TLE4: variants seen among roughly 807,000 people sequenced by gnomAD.
The protein encoded by TLE4 is TLE family member 4, transcriptional corepressor.
In TLE4, 8 loss-of-function variants were observed where a neutral mutation model predicts 92.8. That is an observed-to-expected ratio of 0.09 (90% confidence interval 0.05 to 0.16). The LOEUF is 0.16. TLE4 is among the 10% of genes least tolerant of loss of function. The pLI, the probability that TLE4 is intolerant of heterozygous loss-of-function variation, is 1.00. For synonymous variants in TLE4, 371 were observed against 374.1 expected, an observed-to-expected ratio of 0.99 and a Z score of 0.10; for missense variants, 675 against 997.6, an observed-to-expected ratio of 0.68 and a Z score of 4.36.
At chr9:79,626,005 A>G (rs1007643588) in intron 5 of TLE4, among the ~76,000 whole-genome samples, 3 of 152,064 alleles carry the variant, frequency 2.0e-5, no homozygotes, top group South Asian at 2.1e-4. Context: ...ATCAGAGTCT[A>G]TTAAAAGCTT....
chr9:79,705,093 GA>G (rs759850512), intron 9 of TLE4, among the ~76,000 whole-genome samples, 191 bp downstream of exon 9: 1 of 152,218 alleles, frequency 6.6e-6, no homozygotes, highest in Non-Finnish European at 1.5e-5. Flanking sequence ...AGATGCATGT[GA>G]GGATAGAATG....
rs1227806954 is a variant in TLE4 at position 79,721,981 on chromosome 9, A to C, written c.1986+93A>C. 6 of 1,505,182 alleles carry C rather than the reference A, an allele frequency of 4.0e-6. No homozygotes were observed. The South Asian group carries it at 7.9e-5, about 20-fold the overall frequency. 93.2% of individuals were successfully genotyped at this position (1,505,182 alleles called of 1,614,324 possible). ...GGGAATCGAGACCATCCTGGCCAAC[A>C]TGGTGAAACCCCATCTCTACTAAAA... On this transcript the variant is annotated intron_variant, in intron 17 of 19. Coordinates refer to ENST00000376552, the MANE Select transcript of TLE4 (RefSeq NM_007005.6).
At chr9:79,704,651 C>G in intron 8 of TLE4, 132 bp from the exon 9 acceptor site, 1 of 1,224,140 alleles carries the variant, frequency 8.2e-7, no homozygotes, top group Non-Finnish European at 1.1e-6. Flanking sequence ...CCGCTTTCTC[C>G]TATCTCCTCT....
chr9:79,614,518 A>G (rs2049053778), intron 5 of TLE4, among the ~76,000 whole-genome samples: 1 of 152,176 alleles, frequency 6.6e-6, no homozygotes, highest in Admixed American at 6.5e-5. Flanking sequence ...TAATTGTCTA[A>G]GGAAGTTGTA....
Position 79,681,761 on chromosome 9 carries a change from AAGAG to A in TLE4, c.610-23019_610-23016del, listed in dbSNP as rs889270504. Among the ~76,000 whole-genome samples, 7 of 149,302 alleles carry A rather than the reference AAGAG, an allele frequency of 4.7e-5. No individual in the cohort carries two copies. The East Asian group carries it at 1.0e-3, about 22-fold the overall frequency. Reference sequence around the variant, plus strand: ...AGGCAGGGAGGGAAGGAGGGAGAGAAAGAGAGGGAGGGAGGAGGGAGGAAGAGAG... The same window carrying A: ...AGGCAGGGAGGGAAGGAGGGAGAGAAAGGGAGGGAGGAGGGAGGAAGAGAG... On this transcript the variant is annotated intron_variant, in intron 8 of 19. Transcript: ENST00000376552.
At chr9:79,633,616 G>A (rs1044154815) in intron 6 of TLE4, among the ~76,000 whole-genome samples, 28 of 152,108 alleles carry the variant, frequency 1.8e-4, no homozygotes, top group African/African-American at 6.5e-4. Flanking sequence ...TGGTTATATA[G>A]AAAAACAGGC....
chr9:79,573,339 G>A (rs748084573), intron 1 of TLE4: 40 of 1,088,650 alleles, frequency 3.7e-5, no homozygotes, highest in Non-Finnish European at 4.4e-5. Context: ...GCCATGGCGC[G>A]GGTCCCCCCG....
intron 8 of TLE4, among the ~76,000 whole-genome samples, chr9:79,681,860 GTGTA>G (rs767120728): frequency 2.7e-4 from 37 of 136,994 alleles, no homozygotes; most frequent in African/African-American, 6.4e-4. Context: ...GTGTGTGTGT[GTGTA>G]TGTGTGTGTG....
At chr9:79,677,313 C>A (rs11138319) in intron 8 of TLE4, among the ~76,000 whole-genome samples, 1 of 151,940 alleles carries the variant, frequency 6.6e-6, no homozygotes, top group Non-Finnish European at 1.5e-5. Flanking sequence ...TAATTTAGTT[C>A]GTGGCCTCTG....
chr9:79,724,207 A>AT (rs1281313328), intron 19 of TLE4, among the ~76,000 whole-genome samples: 1 of 149,282 alleles, frequency 6.7e-6, no homozygotes, highest in Admixed American at 6.7e-5. Flanking sequence ...GCCATTTCTC[A>AT]TATCTGATCT....
chr9:79,687,168 G>A (rs1482452087), intron 8 of TLE4, among the ~76,000 whole-genome samples: 2 of 152,140 alleles, frequency 1.3e-5, no homozygotes, highest in South Asian at 2.1e-4. Context: ...CTTCTCCCCC[G>A]AATCGTAATT....
At chr9:79,660,628 TAAG>T (rs1404419338) in intron 8 of TLE4, among the ~76,000 whole-genome samples, 3 of 152,240 alleles carry the variant, frequency 2.0e-5, no homozygotes, top group African/African-American at 7.2e-5. Flanking sequence ...AAGGAACAGT[TAAG>T]AAGTTTTGTT....
chr9:79,592,827 C>G (rs1285312412), intron 4 of TLE4, among the ~76,000 whole-genome samples: 2 of 152,048 alleles, frequency 1.3e-5, no homozygotes, highest in African/African-American at 2.4e-5. Flanking sequence ...GATTGTGTAT[C>G]CTTTTTAAGT....
chr9:79,662,139 C>A lies in TLE4; in HGVS notation c.609+8064C>A, dbSNP rs536281429. 3.3e-5 allele frequency among the ~76,000 whole-genome samples: 5 copies of A among 152,310 alleles called. No homozygotes were observed. In the South Asian group the frequency reaches 1.0e-3, roughly 32 times the overall value. ...GGCAGTGAGGTGGAAGTTAAAATGT[C>A]TTAAGTATTCTTGTTGTAAGTGAAC... On this transcript the variant is annotated intron_variant, in intron 8 of 19. Transcript: ENST00000376552.
At chr9:79,681,559 C>T (rs768793633) in intron 8 of TLE4, among the ~76,000 whole-genome samples, 5 of 152,068 alleles carry the variant, frequency 3.3e-5, no homozygotes, top group Admixed American at 1.3e-4. Context: ...ACATTTCTCT[C>T]AGGAATTGAA....
intron 8 of TLE4, among the ~76,000 whole-genome samples, chr9:79,667,367 A>G (rs1197437422): frequency 6.6e-6 from 1 of 152,224 alleles, no homozygotes; most frequent in Non-Finnish European, 1.5e-5. Flanking sequence ...TGGTTTGTAC[A>G]TGATTTCATA....
chr9:79,666,191 GT>G (rs1427129898), intron 8 of TLE4, among the ~76,000 whole-genome samples: 188 of 146,370 alleles, frequency 1.3e-3, no homozygotes, highest in East Asian at 3.6e-3. Context: ...GTGTGTGTGT[GT>G]GTGTGGGTGG....
chr9:79,643,655 G>GT (rs1019986462), intron 6 of TLE4, among the ~76,000 whole-genome samples: 18 of 152,074 alleles, frequency 1.2e-4, no homozygotes, highest in African/African-American at 3.9e-4. Flanking sequence ...TCGGTTAAGT[G>GT]TTTTTAGTAG....
At chr9:79,591,242 GC>G (rs1208432830) in intron 4 of TLE4, among the ~76,000 whole-genome samples, 1 of 152,216 alleles carries the variant, frequency 6.6e-6, no homozygotes, top group Non-Finnish European at 1.5e-5. Flanking sequence ...GATTAAGGAT[GC>G]TGTTACGGAG....
Sources: gnomAD v4.1 joint callset for allele counts (sites outside exome capture counted in the v4.1 genomes callset) on GRCh38, gnomAD v4.1.1 for gene constraint, MANE v1.5 for transcripts, NCBI Gene and HGNC (gene_info 2026-07-23, HGNC 2026-07-21) for gene names.